KIF6: variants seen among roughly 807,000 people sequenced by gnomAD.
The protein encoded by KIF6 is kinesin family member 6.
KIF6 carries 106 observed loss-of-function variants against 112.7 expected under a neutral mutation model. The observed-to-expected ratio is 0.94, with a 90% confidence interval of 0.80 to 1.11. The LOEUF is 1.11. KIF6 is among the 50% of genes least tolerant of loss of function. The pLI is 0.00. For synonymous variants in KIF6, 339 were observed against 339.9 expected, an observed-to-expected ratio of 1.00 and a Z score of 0.03; for missense variants, 929 against 964.0, an observed-to-expected ratio of 0.96 and a Z score of 0.48.
intron 19 of KIF6, among the ~76,000 whole-genome samples, chr6:39,349,639 T>TG (rs1764077928): frequency 1.3e-5 from 1 of 77,402 alleles, no homozygotes; most frequent in Non-Finnish European, 2.5e-5. Flanking sequence ...CTCTTTTTTT[T>TG]TTTTTTTTTT....
chr6:39,718,355 T>C (rs1464474425), intron 2 of KIF6: 1 of 152,054 alleles, frequency 6.6e-6, no homozygotes, highest in Non-Finnish European at 1.5e-5. Context: ...TGTTGTTTTA[T>C]GTAATAGATT....
At chr6:39,565,415 G>A (rs1780229302) in intron 10 of KIF6, among the ~76,000 whole-genome samples, 1 of 152,052 alleles carries the variant, frequency 6.6e-6, no homozygotes, top group African/African-American at 2.4e-5. Context: ...TAATCCTCAA[G>A]GACTGATAAT....
chr6:39,635,896 A>G (rs1784602785), intron 4 of KIF6, among the ~76,000 whole-genome samples: 1 of 152,036 alleles, frequency 6.6e-6, no homozygotes, highest in South Asian at 2.1e-4. Context: ...AGAGGAGAGT[A>G]TATTTGGGTC....
chr6:39,530,387 T>C (rs1258547105), intron 13 of KIF6, among the ~76,000 whole-genome samples: 1 of 152,184 alleles, frequency 6.6e-6, no homozygotes, highest in Non-Finnish European at 1.5e-5. Context: ...GTCAGAAAAC[T>C]AAAACAGAAA....
intron 15 of KIF6, among the ~76,000 whole-genome samples, chr6:39,401,509 G>T (rs544280534): frequency 6.6e-6 from 1 of 152,114 alleles, no homozygotes; most frequent in African/African-American, 2.4e-5. Flanking sequence ...ATCCCACTTG[G>T]AGACTCTAGG....
intron 11 of KIF6, 128 bp from the exon 12 acceptor site, chr6:39,544,821 T>C: frequency 2.1e-6 from 1 of 485,000 alleles, no homozygotes; most frequent in Non-Finnish European, 3.6e-6. Context: ...GCAGGTGCGA[T>C]GTCTTTGCGA....
At chr6:39,438,013 T>C (rs1771656756) in intron 13 of KIF6, among the ~76,000 whole-genome samples, 1 of 152,220 alleles carries the variant, frequency 6.6e-6, no homozygotes, top group Non-Finnish European at 1.5e-5. Context: ...GTGTCACTCT[T>C]GTTGCCCAGG....
intron 9 of KIF6, among the ~76,000 whole-genome samples, chr6:39,580,667 T>C (rs1419784748): frequency 6.6e-6 from 1 of 152,204 alleles, no homozygotes; most frequent in East Asian, 1.9e-4. Flanking sequence ...CTGAATGTGA[T>C]GAATCATATT....
chr6:39,652,177 T>C lies in KIF6; in HGVS notation c.252-12420A>G, dbSNP rs1476195094. On this transcript the variant is annotated intron_variant, in intron 3 of 22. Transcript: ENST00000287152. ...TATCCTACTATTAGCTTATGGATAG[T>C]AGAGATACAGCATCATCTTACTAAC... Among the ~76,000 whole-genome samples, 3 of 152,186 alleles carry C rather than the reference T, an allele frequency of 2.0e-5. No homozygotes were observed. In the East Asian group the frequency reaches 5.8e-4, roughly 29 times the overall value.
chr6:39,550,202 G>A (rs1164571963), intron 10 of KIF6, among the ~76,000 whole-genome samples: 2 of 152,148 alleles, frequency 1.3e-5, no homozygotes, highest in Non-Finnish European at 2.9e-5. Context: ...AATAATCTTT[G>A]TAAAAAAATA....
chr6:39,527,510 A>C (rs908575284), intron 13 of KIF6, among the ~76,000 whole-genome samples: 3 of 152,094 alleles, frequency 2.0e-5, no homozygotes, highest in African/African-American at 7.2e-5. Context: ...GTTCTCTTAC[A>C]ACCAAATGGA....
chr6:39,613,439 C>T, intron 5 of KIF6, 121 bp from the exon 6 acceptor site: 1 of 563,244 alleles, frequency 1.8e-6, no homozygotes, highest in Non-Finnish European at 2.8e-6. Flanking sequence ...AAGCAAATAA[C>T]ACACAAGATA....
At chr6:39,344,825 A>C (rs546520928) in intron 21 of KIF6, among the ~76,000 whole-genome samples, 4 of 152,178 alleles carry the variant, frequency 2.6e-5, no homozygotes, top group South Asian at 2.1e-4. Context: ...TCTCTCCTTA[A>C]AAACAGAATC....
At chr6:39,655,253 A>G (rs1785712302) in intron 3 of KIF6, among the ~76,000 whole-genome samples, 2 of 152,190 alleles carry the variant, frequency 1.3e-5, no homozygotes, top group Admixed American at 6.5e-5. Context: ...TTTTTGACCA[A>G]TTATATTTCC....
chr6:39,508,083 G>A (rs1175734750), intron 13 of KIF6, among the ~76,000 whole-genome samples: 1 of 149,396 alleles, frequency 6.7e-6, no homozygotes, highest in African/African-American at 2.5e-5. Context: ...TTGTTGTTGT[G>A]CAGCTAGGTA....
At chr6:39,498,421 T>G (rs1005752516) in intron 13 of KIF6, among the ~76,000 whole-genome samples, 4 of 152,160 alleles carry the variant, frequency 2.6e-5, no homozygotes, top group African/African-American at 9.7e-5. Context: ...ACAATGAATG[T>G]TAGAGCAATT....
intron 15 of KIF6, among the ~76,000 whole-genome samples, chr6:39,398,029 G>A (rs942535340): frequency 1.3e-5 from 2 of 152,122 alleles, no homozygotes; most frequent in African/African-American, 2.4e-5. Context: ...AATTTTCTGC[G>A]TCCAAGGGAT....
At position 39,725,189 on chromosome 6, in the gene KIF6, C is replaced by T. The variant is rs1294416446; in HGVS notation, c.66+56G>A. On this transcript the variant is annotated intron_variant, in intron 1 of 22. Transcript: ENST00000287152. ...CCCAGCCCCTTCGCGTGCCGCCGCC[C>T]GACCCCAGCCCAAGAGGCCCCGCCG... 42 of 1,496,418 alleles carry T rather than the reference C, an allele frequency of 2.8e-5. No homozygotes were observed. In the East Asian group the frequency reaches 1.0e-3, roughly 36 times the overall value. The allele number at this position is 1,496,418 out of a possible 1,614,324, so 92.7% of individuals were successfully genotyped here.
intron 13 of KIF6, among the ~76,000 whole-genome samples, chr6:39,453,847 TCTC>T (rs971287558): frequency 6.6e-6 from 1 of 152,216 alleles, no homozygotes; most frequent in African/African-American, 2.4e-5. Context: ...AAAATTTTCT[TCTC>T]TGGCTTCTTG....
Sources: allele counts gnomAD v4.1 joint callset (sites outside exome capture counted in the v4.1 genomes callset), GRCh38; gene constraint gnomAD v4.1.1; transcripts MANE v1.5; gene names NCBI Gene and HGNC (gene_info 2026-07-23, HGNC 2026-07-21).